Variants in THSD7B observed in about 807,000 individuals in gnomAD.
The protein encoded by THSD7B is thrombospondin type-1 domain-containing protein 7B.
In THSD7B, 138 loss-of-function variants were observed where a neutral mutation model predicts 213.6. The observed-to-expected ratio is 0.65, with a 90% confidence interval of 0.56 to 0.74. THSD7B has a LOEUF of 0.74. THSD7B is among the 30% of genes least tolerant of loss of function. The pLI is 0.00. For synonymous variants in THSD7B, 742 were observed against 687.0 expected, an observed-to-expected ratio of 1.08 and a Z score of -1.25; for missense variants, 1,931 against 1,991.5, an observed-to-expected ratio of 0.97 and a Z score of 0.58.
At chr2:137,063,073 GAC>G (rs1438299119) in intron 3 of THSD7B, among the ~76,000 whole-genome samples, 1 of 150,376 alleles carries the variant, frequency 6.6e-6, no homozygotes, top group Non-Finnish European at 1.5e-5. Context: ...CTTAATCCCT[GAC>G]AATTTTCTTT....
At chr2:136,967,944 C>T (rs977443541) in intron 2 of THSD7B, among the ~76,000 whole-genome samples, 18 of 152,150 alleles carry the variant, frequency 1.2e-4, no homozygotes, top group African/African-American at 3.9e-4. Flanking sequence ...TATAGTATCA[C>T]GTCGCTGTAT....
At chr2:137,675,314 GT>G (rs56167511) in intron 27 of THSD7B, among the ~76,000 whole-genome samples, 138,508 of 150,340 alleles carry the variant, frequency 0.92, 64,237 homozygotes, top group East Asian at 0.98. Flanking sequence ...TAAAATCTTT[GT>G]TTTTTACGTT....
intron 2 of THSD7B, among the ~76,000 whole-genome samples, chr2:136,893,993 A>T (rs571913938): frequency 1.3e-5 from 2 of 152,306 alleles, no homozygotes; most frequent in South Asian, 4.1e-4. Context: ...ACTATTACAG[A>T]TCATGTAGAG....
At chr2:137,377,623 T>A (rs1246143489) in intron 12 of THSD7B, among the ~76,000 whole-genome samples, 1 of 151,146 alleles carries the variant, frequency 6.6e-6, no homozygotes, top group Admixed American at 6.6e-5. Context: ...TTTGTTGAGA[T>A]AAAATTCACT....
intron 2 of THSD7B, among the ~76,000 whole-genome samples, chr2:136,897,752 C>T (rs1683986200): frequency 6.6e-6 from 1 of 152,050 alleles, no homozygotes; most frequent in Non-Finnish European, 1.5e-5. Context: ...ATTTACAAAC[C>T]TTTAGCTAGA....
At chr2:137,034,612 T>A (rs1686739347) in intron 2 of THSD7B, among the ~76,000 whole-genome samples, 1 of 151,992 alleles carries the variant, frequency 6.6e-6, no homozygotes, top group Admixed American at 6.6e-5. Context: ...CAGGCCCCTG[T>A]GTGTGATGTT....
At chr2:137,399,596 G>C (rs1436940064) in intron 12 of THSD7B, among the ~76,000 whole-genome samples, 1 of 152,116 alleles carries the variant, frequency 6.6e-6, no homozygotes, top group Non-Finnish European at 1.5e-5. Context: ...AAGATGACTA[G>C]GTACTTTTAT....
chr2:137,255,289 G>A (rs567736701), intron 10 of THSD7B, among the ~76,000 whole-genome samples: 2 of 152,244 alleles, frequency 1.3e-5, no homozygotes, highest in Non-Finnish European at 2.9e-5. Context: ...ATTCTCCTTG[G>A]GTGAGCACAG....
intron 4 of THSD7B, among the ~76,000 whole-genome samples, chr2:137,106,934 C>T (rs938769168): frequency 1.3e-5 from 2 of 152,216 alleles, no homozygotes; most frequent in African/African-American, 4.8e-5. Flanking sequence ...TGCTTTTACA[C>T]TGTTGGTAGG....
intron 21 of THSD7B, among the ~76,000 whole-genome samples, chr2:137,644,341 A>C (rs1421630995): frequency 1.3e-5 from 2 of 152,212 alleles, no homozygotes; most frequent in Non-Finnish European, 2.9e-5. Context: ...AAACAGTGCC[A>C]ATCAGCATTC....
chr2:137,590,430 A>G (rs934615948), intron 17 of THSD7B, among the ~76,000 whole-genome samples: 4 of 152,148 alleles, frequency 2.6e-5, no homozygotes, highest in African/African-American at 7.2e-5. Flanking sequence ...TAATATGTTT[A>G]TTTCTAAACA....
chr2:137,671,984 G>A (rs1374634947), intron 27 of THSD7B, among the ~76,000 whole-genome samples: 1 of 151,992 alleles, frequency 6.6e-6, no homozygotes. Flanking sequence ...TGATAATATT[G>A]TAGTTATTTA....
At chr2:136,975,968 C>A (rs1172668528) in intron 2 of THSD7B, among the ~76,000 whole-genome samples, 1 of 152,150 alleles carries the variant, frequency 6.6e-6, no homozygotes, top group Admixed American at 6.5e-5. Context: ...GGAGTTCATT[C>A]ATGATTTGGC....
chr2:137,103,225 C>A (rs1345202131), intron 4 of THSD7B, among the ~76,000 whole-genome samples: 1 of 152,066 alleles, frequency 6.6e-6, no homozygotes, highest in Non-Finnish European at 1.5e-5. Flanking sequence ...AGAGTGGGGG[C>A]CAATATTCAA....
At chr2:137,338,938 T>G (rs1477275553) in intron 12 of THSD7B, among the ~76,000 whole-genome samples, 1 of 152,028 alleles carries the variant, frequency 6.6e-6, no homozygotes, top group African/African-American at 2.4e-5. Flanking sequence ...ACAATTGTCT[T>G]TTGCATGATT....
At chr2:137,269,565 A>C (rs1266353176) in intron 10 of THSD7B, among the ~76,000 whole-genome samples, 6 of 152,048 alleles carry the variant, frequency 3.9e-5, no homozygotes, top group Non-Finnish European at 8.8e-5. Context: ...ATTTGGACAA[A>C]ACACACATAC....
intron 12 of THSD7B, among the ~76,000 whole-genome samples, chr2:137,355,952 C>A (rs574395428): frequency 6.6e-6 from 1 of 152,200 alleles, no homozygotes; most frequent in East Asian, 1.9e-4. Context: ...GAGTGTTAGG[C>A]ATGGTAGTGT....
chr2:136,772,425 A>G (rs898623635), intron 1 of THSD7B, among the ~76,000 whole-genome samples: 3 of 152,074 alleles, frequency 2.0e-5, no homozygotes, highest in Non-Finnish European at 4.4e-5. Flanking sequence ...TCAAAATCAT[A>G]AAGAACTAGA....
At chr2:137,648,141 A>G (rs1193601946) in intron 21 of THSD7B, among the ~76,000 whole-genome samples, 1 of 152,176 alleles carries the variant, frequency 6.6e-6, no homozygotes, top group Admixed American at 6.5e-5. Context: ...GGTATATGTG[A>G]TAACTTAGTA....
Sources: gnomAD v4.1 joint callset for allele counts (sites outside exome capture counted in the v4.1 genomes callset) on GRCh38, gnomAD v4.1.1 for gene constraint, MANE v1.5 for transcripts, NCBI Gene and HGNC (gene_info 2026-07-23, HGNC 2026-07-21) for gene names.